The following CADM2 variants were observed in gnomAD, a reference collection of about 807,000 sequenced individuals.
CADM2 encodes the protein cell adhesion molecule 2.
CADM2 carries 12 observed loss-of-function variants against 49.8 expected under a neutral mutation model. The ratio of observed to expected loss-of-function variants is 0.24; its 90% CI spans 0.15 to 0.39. CADM2 has a LOEUF of 0.39. Ranked by LOEUF, CADM2 falls within the 10% of genes least tolerant of loss-of-function variation. The probability of loss-of-function intolerance (pLI) is 1.00; values close to 1 mark genes in which losing one functional copy is unlikely to be tolerated. For synonymous variants in CADM2, 214 were observed against 175.4 expected, an observed-to-expected ratio of 1.22 and a Z score of -1.74; for missense variants, 378 against 492.3, an observed-to-expected ratio of 0.77 and a Z score of 2.20.
intron 1 of CADM2, among the ~76,000 whole-genome samples, chr3:85,533,351 T>C (rs1349177083): frequency 6.6e-6 from 1 of 152,176 alleles, no homozygotes; most frequent in African/African-American, 2.4e-5. Flanking sequence ...GCAGGTGATA[T>C]TGGTAACTGA....
intron 8 of CADM2, among the ~76,000 whole-genome samples, chr3:85,970,599 A>G (rs769319352): frequency 1.3e-4 from 20 of 151,504 alleles, no homozygotes; most frequent in Admixed American, 2.6e-4. Flanking sequence ...TTTTTATTTA[A>G]CTAAACTTTT....
At chr3:85,253,881 A>T (rs1352768396) in intron 1 of CADM2, among the ~76,000 whole-genome samples, 5 of 152,014 alleles carry the variant, frequency 3.3e-5, no homozygotes, top group Non-Finnish European at 7.4e-5. Flanking sequence ...GTTTTTTCCT[A>T]TTTTTACACA....
Position 85,034,790 on chromosome 3 carries a change from C to CTTTTTTTTTTTTTTTT in CADM2, c.61+75131_61+75146dup, listed in dbSNP as rs1179967499. On this transcript the variant is annotated intron_variant, in intron 1 of 9. Coordinates refer to ENST00000383699, the MANE Select transcript of CADM2 (RefSeq NM_001167675.2). ...TATCTTTTAGATAAAAGACATTTTG[C>CTTTTTTTTTTTTTTTT]TTTTTTTTTTTTTTTTTTTTTTTTA... Among the ~76,000 whole-genome samples, 330 of 84,056 alleles carry CTTTTTTTTTTTTTTTT rather than the reference C, an allele frequency of 3.9e-3. 20 individuals carry two copies. The highest frequency in any genetic ancestry group is 0.01 in the East Asian group (27 of 2,700). 55.1% of individuals were successfully genotyped at this position (84,056 alleles called of 152,430 possible). A position where few individuals can be genotyped will look rare whatever the true frequency, so the allele number is the denominator to read the frequency against.
intron 2 of CADM2, among the ~76,000 whole-genome samples, chr3:85,796,388 C>T (rs754997969): frequency 1.3e-5 from 2 of 152,264 alleles, no homozygotes; most frequent in Non-Finnish European, 2.9e-5. Context: ...TTCTCCATGT[C>T]GCCTTGCTAG....
intron 1 of CADM2, among the ~76,000 whole-genome samples, chr3:85,373,545 A>G (rs1461719577): frequency 1.3e-5 from 2 of 152,090 alleles, no homozygotes; most frequent in African/African-American, 4.8e-5. Flanking sequence ...TCACAGCTCC[A>G]CTAGGCAGTG....
intron 8 of CADM2, among the ~76,000 whole-genome samples, chr3:86,016,797 G>T (rs1452192429): frequency 6.6e-6 from 1 of 152,044 alleles, no homozygotes; most frequent in African/African-American, 2.4e-5. Flanking sequence ...ATATAATCAA[G>T]ATAAAATAGA....
intron 8 of CADM2, among the ~76,000 whole-genome samples, chr3:86,031,481 CAT>C (rs879438228): frequency 4.0e-5 from 6 of 151,834 alleles, no homozygotes; most frequent in Non-Finnish European, 5.9e-5. Context: ...GTTTCAACCA[CAT>C]GTTTCAAACC....
chr3:85,145,645 C>T (rs1055033103), intron 1 of CADM2, among the ~76,000 whole-genome samples: 7 of 151,854 alleles, frequency 4.6e-5, no homozygotes, highest in African/African-American at 1.7e-4. Flanking sequence ...GTTTGGCAGG[C>T]AAAAGAATCA....
intron 1 of CADM2, among the ~76,000 whole-genome samples, chr3:85,676,458 C>A (rs1026090906): frequency 6.6e-6 from 1 of 152,036 alleles, no homozygotes; most frequent in African/African-American, 2.4e-5. Context: ...TGAATGCTGT[C>A]CTTTTTCCTT....
At chr3:85,714,587 C>T (rs867983356) in intron 1 of CADM2, among the ~76,000 whole-genome samples, 5 of 151,882 alleles carry the variant, frequency 3.3e-5, no homozygotes, top group Non-Finnish European at 4.4e-5. Flanking sequence ...CCACCACGCC[C>T]GGCTAATTTT....
At chr3:85,389,630 GT>G (rs1322792675) in intron 1 of CADM2, among the ~76,000 whole-genome samples, 1 of 151,958 alleles carries the variant, frequency 6.6e-6, no homozygotes, top group Non-Finnish European at 1.5e-5. Flanking sequence ...CTTTTGCCGA[GT>G]TCTTTATAGT....
chr3:85,073,119 A>AGATGGATTGCAAAG (rs2036819481), intron 1 of CADM2, among the ~76,000 whole-genome samples: 1 of 152,186 alleles, frequency 6.6e-6, no homozygotes, highest in East Asian at 1.9e-4. Flanking sequence ...CTTCTCTGAC[A>AGATGGATTGCAAAG]GATGGATTGC....
At chr3:85,280,945 G>A (rs1429985297) in intron 1 of CADM2, among the ~76,000 whole-genome samples, 7 of 151,776 alleles carry the variant, frequency 4.6e-5, no homozygotes, top group African/African-American at 1.7e-4. Context: ...AAAAAGAATT[G>A]CAAGAAAGAA....
intron 1 of CADM2, among the ~76,000 whole-genome samples, chr3:85,164,679 C>G (rs556561541): frequency 6.6e-6 from 1 of 152,062 alleles, no homozygotes; most frequent in South Asian, 2.1e-4. Context: ...TGCTGTGTTT[C>G]TTTTAGAATG....
At chr3:85,308,702 G>T (rs1307302238) in intron 1 of CADM2, among the ~76,000 whole-genome samples, 1 of 151,952 alleles carries the variant, frequency 6.6e-6, no homozygotes, top group Admixed American at 6.6e-5. Context: ...TATAGAAAGA[G>T]CTTTGCAGTG....
Position 85,897,432 on chromosome 3 carries a change from G to A in CADM2, c.529+11105G>A, listed in dbSNP as rs1715396227. On this transcript the variant is annotated intron_variant, in intron 5 of 9. Transcript: ENST00000383699. The stretch of plus-strand genomic sequence containing the variant: ...CTACAGGCGCCCGCCACCGCGCCCG[G>A]CTAATTTTTTGTATTTTTAGTAGAG... 2.0e-5 allele frequency among the ~76,000 whole-genome samples: 3 copies of A among 148,888 alleles called. No individual in the cohort carries two copies. The South Asian group carries it at 6.4e-4, about 32-fold the overall frequency.
chr3:85,977,447 A>C (rs968984964), intron 8 of CADM2, among the ~76,000 whole-genome samples: 1 of 151,512 alleles, frequency 6.6e-6, no homozygotes, highest in Non-Finnish European at 1.5e-5. Flanking sequence ...TGCAGTTATT[A>C]AATGTATATA....
intron 1 of CADM2, among the ~76,000 whole-genome samples, chr3:85,191,928 G>A (rs1476536540): frequency 6.8e-6 from 1 of 147,512 alleles, no homozygotes; most frequent in Non-Finnish European, 1.5e-5. Flanking sequence ...TGAATAGAGA[G>A]TAATAAGATG....
intron 1 of CADM2, among the ~76,000 whole-genome samples, chr3:85,185,104 A>G (rs1394373286): frequency 1.3e-5 from 2 of 152,052 alleles, no homozygotes; most frequent in Admixed American, 6.6e-5. Flanking sequence ...GAGACAATAT[A>G]TTGCAGCACT....
Sources: allele counts gnomAD v4.1 joint callset (sites outside exome capture counted in the v4.1 genomes callset), GRCh38; gene constraint gnomAD v4.1.1; transcripts MANE v1.5; gene names NCBI Gene and HGNC (gene_info 2026-07-23, HGNC 2026-07-21).